PRRX1: variants seen among roughly 807,000 people sequenced by gnomAD.
The protein encoded by PRRX1 is paired related homeobox 1, also known as paired mesoderm homeobox protein 1.
PRRX1 carries 8 observed loss-of-function variants against 24.0 expected under a neutral mutation model. The observed-to-expected ratio is 0.33, with a 90% confidence interval of 0.20 to 0.60. The LOEUF (loss-of-function observed/expected upper bound fraction) is 0.60, where lower values mean the gene tolerates loss of function less well. Among genes scored for constraint, PRRX1 ranks in the 20% least tolerant of loss-of-function variants. The pLI, the probability that PRRX1 is intolerant of heterozygous loss-of-function variation, is 0.82. For synonymous variants in PRRX1, 160 were observed against 131.7 expected, an observed-to-expected ratio of 1.22 and a Z score of -1.47; for missense variants, 281 against 322.4, an observed-to-expected ratio of 0.87 and a Z score of 0.98.
intron 1 of PRRX1, among the ~76,000 whole-genome samples, chr1:170,677,018 A>G (rs1293260791): frequency 6.6e-6 from 1 of 152,214 alleles, no homozygotes; most frequent in East Asian, 1.9e-4. Context: ...GTCATACTAT[A>G]AGGGAGTGAA....
intron 3 of PRRX1, chr1:170,730,398 T>G: frequency 1.3e-6 from 2 of 1,489,672 alleles, no homozygotes; most frequent in Non-Finnish European, 1.9e-6. Flanking sequence ...AGGGTTTAAG[T>G]GGGAATTCAG....
At chr1:170,733,226 G>T (rs539727057) in intron 3 of PRRX1, among the ~76,000 whole-genome samples, 1 of 152,076 alleles carries the variant, frequency 6.6e-6, no homozygotes, top group African/African-American at 2.4e-5. Context: ...CAGCAAAAAC[G>T]GTTATGCAAT....
chr1:170,685,209 C>G (rs945905265), intron 1 of PRRX1, among the ~76,000 whole-genome samples: 3 of 152,068 alleles, frequency 2.0e-5, no homozygotes, highest in Non-Finnish European at 2.9e-5. Flanking sequence ...AAATAAGGAA[C>G]GGAGAAGAAA....
rs1206408542 is a variant in PRRX1, at chr1:170,737,198, G to C, written c.*1012G>C. 5.9e-6 allele frequency: 1 copy of C among 170,546 alleles called. No individual in the cohort carries two copies. The highest frequency in any genetic ancestry group is 1.3e-5 in the Non-Finnish European group (1 of 79,546). The allele number at this position is 170,546 out of a possible 1,614,324, so 10.6% of individuals were successfully genotyped here. A position where few individuals can be genotyped will look rare whatever the true frequency, so the allele number is the denominator to read the frequency against. ...TATATATATAATATTGCAAGCTTAA[G>C]TTTGCAATTTCCCAAACAATACAAA... On this transcript the variant is annotated 3_prime_UTR_variant, in exon 4 of 4. Transcript: ENST00000239461.
intron 1 of PRRX1, chr1:170,667,857 C>T (rs1308159883): frequency 6.6e-6 from 1 of 152,200 alleles, no homozygotes; most frequent in Non-Finnish European, 1.5e-5. Flanking sequence ...AAAACAAACT[C>T]CACTTACACC....
chr1:170,726,208 A>C lies in PRRX1; in HGVS notation c.418-12A>C. ...TTTCCTTATGCCTTCTTGCCTCCTAACAATCCTCCAGGTGTGGTTTCAGAA... is the reference window on the plus strand; with the variant it reads ...TTTCCTTATGCCTTCTTGCCTCCTACCAATCCTCCAGGTGTGGTTTCAGAA... On this transcript the variant is annotated splice_polypyrimidine_tract_variant and intron_variant, in intron 2 of 3. Coordinates refer to ENST00000239461, the MANE Select transcript of PRRX1 (RefSeq NM_022716.4). 1 of 1,612,288 alleles carries C rather than the reference A, an allele frequency of 6.2e-7. No individual in the cohort carries two copies. Among genetic ancestry groups the C allele is most frequent in the East Asian group, 2.2e-5 (1 of 44,856 alleles).
Position 170,717,606 on chromosome 1 carries a change from TTC to T in PRRX1, c.242-2118_242-2117del, listed in dbSNP as rs371770457. Among the ~76,000 whole-genome samples, 867 of 152,080 alleles carry T rather than the reference TTC, an allele frequency of 5.7e-3. 9 individuals are homozygous for T. Among genetic ancestry groups the T allele is most frequent in the African/African-American group, 0.019 (784 of 41,404 alleles). On this transcript the variant is annotated intron_variant, in intron 1 of 3. Transcript: ENST00000239461. ...AACAAAGTACAGAAGCTAAGGATTT[TTC>T]TTTTTTTTTTTTGCAGACTTCTGTT...
intron 1 of PRRX1, among the ~76,000 whole-genome samples, chr1:170,664,676 C>A (rs1001716665): frequency 1.1e-4 from 16 of 152,254 alleles, no homozygotes; most frequent in African/African-American, 3.9e-4. Flanking sequence ...TGGAGAGAGG[C>A]TCCAAGGTCC....
chr1:170,678,158 C>T (rs968101216), intron 1 of PRRX1, among the ~76,000 whole-genome samples: 3 of 152,126 alleles, frequency 2.0e-5, no homozygotes, highest in Non-Finnish European at 4.4e-5. Context: ...TTTCCTAAAC[C>T]AGTTGAGTAA....
At chr1:170,685,614 C>T (rs1169366900) in intron 1 of PRRX1, among the ~76,000 whole-genome samples, 1 of 152,024 alleles carries the variant, frequency 6.6e-6, no homozygotes, top group African/African-American at 2.4e-5. Context: ...CTTGTATTAC[C>T]TACCTGTAAA....
intron 1 of PRRX1, among the ~76,000 whole-genome samples, chr1:170,715,531 A>T (rs1007790773): frequency 1.3e-5 from 2 of 152,232 alleles, no homozygotes; most frequent in South Asian, 2.1e-4. Flanking sequence ...AAAGGTTTAT[A>T]GAGAAGGTAA....
chr1:170,706,213 C>A (rs561574871), intron 1 of PRRX1, among the ~76,000 whole-genome samples: 21 of 152,208 alleles, frequency 1.4e-4, no homozygotes, highest in African/African-American at 5.1e-4. Context: ...AAAGACATTG[C>A]AGATTTGACC....
In PRRX1 at chr1:170,737,100, T is replaced by G. The variant is rs1240884071; in HGVS notation, c.*914T>G. The G allele has an allele frequency of 5.6e-6, 1 of 179,422 alleles. No homozygotes were observed. Among genetic ancestry groups the G allele is most frequent in the Non-Finnish European group, 1.2e-5 (1 of 84,188 alleles). The allele number at this position is 179,422 out of a possible 1,614,324, so 11.1% of individuals were successfully genotyped here. On this transcript the variant is annotated 3_prime_UTR_variant, in exon 4 of 4. Transcript: ENST00000239461. ...AAAAGGCATGCCCACATCTCTTTCG[T>G]GCCTTAAGGATAGTGAGATGCACAC...
intron 3 of PRRX1, chr1:170,730,447 C>A: frequency 9.5e-7 from 1 of 1,047,394 alleles, no homozygotes; most frequent in Non-Finnish European, 1.5e-6. Context: ...CTAGAAATTT[C>A]AGCAGTGAAG....
chr1:170,710,693 G>A (rs1654717595), intron 1 of PRRX1, among the ~76,000 whole-genome samples: 1 of 152,150 alleles, frequency 6.6e-6, no homozygotes, highest in Non-Finnish European at 1.5e-5. Context: ...TTTAGATGAG[G>A]TCACATGAGT....
At chr1:170,675,390 C>A (rs889093085) in intron 1 of PRRX1, among the ~76,000 whole-genome samples, 1 of 152,068 alleles carries the variant, frequency 6.6e-6, no homozygotes, top group African/African-American at 2.4e-5. Flanking sequence ...CAAAATTAGT[C>A]GGGGAAAAAT....
At chr1:170,732,207 A>G (rs548921176) in intron 3 of PRRX1, among the ~76,000 whole-genome samples, 33 of 152,320 alleles carry the variant, frequency 2.2e-4, no homozygotes, top group African/African-American at 7.5e-4. Context: ...GAATGGCCCT[A>G]TAAATTGGTT....
At chr1:170,675,995 G>C (rs1294604624) in intron 1 of PRRX1, among the ~76,000 whole-genome samples, 3 of 152,154 alleles carry the variant, frequency 2.0e-5, no homozygotes, top group Non-Finnish European at 4.4e-5. Context: ...AGAGAGGAAA[G>C]AAAGAGAACC....
At chr1:170,729,708 G>T (rs1655367918) in intron 3 of PRRX1, among the ~76,000 whole-genome samples, 1 of 152,180 alleles carries the variant, frequency 6.6e-6, no homozygotes, top group Admixed American at 6.6e-5. Context: ...CATGTTAGAG[G>T]TGATGACATT....
Sources: gnomAD v4.1 joint callset for allele counts (sites outside exome capture counted in the v4.1 genomes callset) on GRCh38, gnomAD v4.1.1 for gene constraint, MANE v1.5 for transcripts, NCBI Gene and HGNC (gene_info 2026-07-23, HGNC 2026-07-21) for gene names.